The following TAF4 variants were observed in gnomAD, a reference collection of about 807,000 sequenced individuals.
TAF4 encodes transcription initiation factor TFIID subunit 4.
Under a neutral mutation model 90.3 loss-of-function variants are expected in TAF4, and 9 were observed. The ratio of observed to expected loss-of-function variants is 0.10; its 90% CI spans 0.06 to 0.17. The LOEUF (loss-of-function observed/expected upper bound fraction) is 0.17. Ranked by LOEUF, TAF4 falls within the 10% of genes least tolerant of loss-of-function variation. The pLI is 1.00. For synonymous variants in TAF4, 818 were observed against 638.9 expected (o/e 1.28, Z -4.23); for missense variants, 1,351 against 1,370.7 (o/e 0.99, Z 0.23).
chr20:62,017,550 G>A (rs2055819001), intron 1 of TAF4, among the ~76,000 whole-genome samples: 1 of 152,194 alleles, frequency 6.6e-6, no homozygotes, highest in Non-Finnish European at 1.5e-5. Context: ...GGGAGGCTGA[G>A]GCAGGAGAAT....
chr20:62,014,132 G>C (rs912188196), intron 2 of TAF4, among the ~76,000 whole-genome samples: 7 of 151,996 alleles, frequency 4.6e-5, no homozygotes, highest in African/African-American at 1.7e-4. Flanking sequence ...GACTCTTGGT[G>C]CCTTAAAAGT....
In TAF4 at chr20:62,003,250, A is replaced by G; in HGVS notation, c.2396T>C (p.Leu799Ser). The G allele has an allele frequency of 6.2e-7, 1 of 1,614,222 alleles. No individual in the cohort carries two copies. Among genetic ancestry groups the G allele is most frequent in the Non-Finnish European group, 8.5e-7 (1 of 1,180,034 alleles). ...QPVPVVKPAVLPGTKALSAVS... is the reference protein window; with the variant it reads ...QPVPVVKPAVSPGTKALSAVS... ...AGCAGAAAGGGCTTTGGTTCCAGGT[A>G]ACACGGCGGGTTTCACCACAGGGAC... is the stretch of plus-strand genomic sequence containing the variant. Residue 799 changes from leucine to serine, a missense_variant, in exon 9 of 15, where the codon TTA (leucine) becomes TCA (serine). Physicochemically the swap from Leu to Ser is moderately radical, Grantham distance 145. Transcript: ENST00000252996.
intron 1 of TAF4, among the ~76,000 whole-genome samples, chr20:62,032,101 A>C (rs2055907649): frequency 6.6e-6 from 1 of 152,146 alleles, no homozygotes; most frequent in Non-Finnish European, 1.5e-5. Flanking sequence ...CCATGTTAAG[A>C]CTTCACATAT....
At position 62,065,286 on chromosome 20, in the gene TAF4, CCCGGGG is replaced by C. The variant is rs1568947402; in HGVS notation, c.519_524del (p.Pro186_Gly187del). 3.4e-5 allele frequency: 30 copies of C among 875,110 alleles called. No homozygotes were observed. The highest frequency in any genetic ancestry group is 1.4e-4 in the East Asian group (1 of 7,148). 54.2% of individuals were successfully genotyped at this position (875,110 alleles called of 1,614,324 possible). On this transcript the variant is annotated inframe_deletion, in exon 1 of 15. Transcript: ENST00000252996. ...GGCCGGGGCCGGGGCCGGGGCCGGG[CCCGGGG>C]CCGGGGCCGGCGCGGGCGGCCAGCG... is the stretch of plus-strand genomic sequence containing the variant.
At position 62,065,806 on chromosome 20, in the gene TAF4, G is replaced by A; in HGVS notation, c.5C>T (p.Ala2Val). Residue 2 changes from alanine (A) to valine (V), a missense_variant, in exon 1 of 15, where the codon GCG (alanine) becomes GTG (valine). Physicochemically the swap from Ala to Val is moderately conservative, Grantham distance 64 (BLOSUM62 0). Coordinates refer to ENST00000252996, the MANE Select transcript of TAF4 (RefSeq NM_003185.4). M[A>V]AGSDLLDEVF... ...CTCGTCCAGCAGATCCGAGCCCGCCGCCATCTTTTTTCCTCGGCCGCCGCC... is the reference window on the plus strand; with the variant it reads ...CTCGTCCAGCAGATCCGAGCCCGCCACCATCTTTTTTCCTCGGCCGCCGCC... 1.5e-6 allele frequency: 2 copies of A among 1,296,952 alleles called. No homozygotes were observed. Among genetic ancestry groups the A allele is most frequent in the South Asian group, 1.3e-5 (1 of 75,272 alleles). The allele number at this position is 1,296,952 out of a possible 1,614,324, so 80.3% of individuals were successfully genotyped here. A position where few individuals can be genotyped will look rare whatever the true frequency, so the allele number is the denominator to read the frequency against.
At chr20:61,981,779 C>A (rs996837689) in intron 14 of TAF4, among the ~76,000 whole-genome samples, 1 of 151,126 alleles carries the variant, frequency 6.6e-6, no homozygotes, top group East Asian at 1.9e-4. Context: ...AGACACCAAA[C>A]CCACACCCAC....
intron 1 of TAF4, among the ~76,000 whole-genome samples, chr20:62,053,980 C>A (rs555649176): frequency 2.1e-3 from 316 of 152,364 alleles, no homozygotes; most frequent in Admixed American, 5.9e-3. Flanking sequence ...TAGCAGACAG[C>A]CACCAGCTGG....
chr20:62,021,453 C>G (rs2055842648), intron 1 of TAF4, among the ~76,000 whole-genome samples: 2 of 152,168 alleles, frequency 1.3e-5, no homozygotes, highest in South Asian at 4.1e-4. Flanking sequence ...GCTGCTGAGA[C>G]ACAGCTGCCT....
chr20:61,985,616 T>C (rs1265304221), intron 14 of TAF4, among the ~76,000 whole-genome samples: 1 of 151,572 alleles, frequency 6.6e-6, no homozygotes, highest in African/African-American at 2.4e-5. Context: ...TATCTGTATG[T>C]TGGAACTGAA....
At chr20:62,064,178 C>G in intron 1 of TAF4, 2 of 372,194 alleles carry the variant, frequency 5.4e-6, no homozygotes, top group Non-Finnish European at 9.5e-6. Flanking sequence ...CCTGGCTGAG[C>G]CACTCCGAAA....
intron 14 of TAF4, among the ~76,000 whole-genome samples, chr20:61,993,984 C>T (rs898488673): frequency 1.3e-5 from 2 of 152,122 alleles, no homozygotes; most frequent in African/African-American, 4.8e-5. Context: ...AACTCCTGAC[C>T]TCATGATCCA....
chr20:62,050,575 T>C (rs2056021079), intron 1 of TAF4, among the ~76,000 whole-genome samples: 2 of 149,028 alleles, frequency 1.3e-5, no homozygotes, highest in Non-Finnish European at 3.0e-5. Flanking sequence ...GGAATTTAAA[T>C]GGTCAAAGCC....
chr20:62,057,334 T>C (rs1207237657), intron 1 of TAF4, among the ~76,000 whole-genome samples: 1 of 152,202 alleles, frequency 6.6e-6, no homozygotes, highest in Non-Finnish European at 1.5e-5. Context: ...CACTCAGACC[T>C]CTGACCCCAA....
At chr20:62,000,354 C>T (rs2055691603) in intron 10 of TAF4, 100 bp from the exon 11 acceptor site, 2 of 1,507,690 alleles carry the variant, frequency 1.3e-6, no homozygotes, top group East Asian at 4.5e-5. Flanking sequence ...TTATACAACC[C>T]AAGGGGAGCC....
intron 9 of TAF4, among the ~76,000 whole-genome samples, chr20:62,002,542 G>A (rs7270666): frequency 0.5 from 76,390 of 151,978 alleles, 19,763 homozygotes; most frequent in Middle Eastern, 0.66. Context: ...CGACGCTGGC[G>A]TACACTGCTA....
chr20:62,022,924 A>G (rs1398307475), intron 1 of TAF4, among the ~76,000 whole-genome samples: 1 of 150,934 alleles, frequency 6.6e-6, no homozygotes, highest in Non-Finnish European at 1.5e-5. Flanking sequence ...TCCTCCCCTA[A>G]AACTACAAAA....
At position 62,045,975 on chromosome 20, in the gene TAF4, A is replaced by C. The variant is rs532767173; in HGVS notation, c.1360+18476T>G. 3.0e-4 allele frequency among the ~76,000 whole-genome samples: 46 copies of C among 152,328 alleles called. No individual in the cohort carries two copies. In the South Asian group the frequency reaches 9.5e-3, roughly 32 times the overall value. On this transcript the variant is annotated intron_variant, in intron 1 of 14. Coordinates refer to ENST00000252996, the MANE Select transcript of TAF4 (RefSeq NM_003185.4). ...ACTTCCAAATACTGATTCTCTCCTA[A>C]AGAAATGCAAAGTTCCACAGCCAGC... is the stretch of plus-strand genomic sequence containing the variant.
At chr20:62,053,556 G>A (rs2056042972) in intron 1 of TAF4, among the ~76,000 whole-genome samples, 1 of 152,222 alleles carries the variant, frequency 6.6e-6, no homozygotes, top group South Asian at 2.1e-4. Context: ...CGGCATCCGT[G>A]CACCTCACCT....
At chr20:62,031,953 C>G (rs1381167641) in intron 1 of TAF4, among the ~76,000 whole-genome samples, 1 of 152,056 alleles carries the variant, frequency 6.6e-6, no homozygotes, top group African/African-American at 2.4e-5. Context: ...GTTCCAGATT[C>G]TTCTCACCAT....
Sources: gnomAD v4.1 joint callset for allele counts (sites outside exome capture counted in the v4.1 genomes callset) on GRCh38, gnomAD v4.1.1 for gene constraint, MANE v1.5 for transcripts, NCBI Gene and HGNC (gene_info 2026-07-23, HGNC 2026-07-21) for gene names.